The following CDH17 variants were observed in gnomAD, a reference collection of about 807,000 sequenced individuals.
The protein encoded by CDH17 is cadherin 17.
Under a neutral mutation model 86.3 loss-of-function variants are expected in CDH17, and 67 were observed. The ratio of observed to expected loss-of-function variants is 0.78; its 90% CI spans 0.64 to 0.95. The LOEUF (loss-of-function observed/expected upper bound fraction) is 0.95, where lower values mean the gene tolerates loss of function less well. Among genes scored for constraint, CDH17 ranks in the 40% least tolerant of loss-of-function variants. CDH17 has a pLI of 0.00. For synonymous variants in CDH17, 367 were observed against 366.4 expected, an observed-to-expected ratio of 1.00 and a Z score of -0.02; for missense variants, 993 against 1,017.6, an observed-to-expected ratio of 0.98 and a Z score of 0.33.
intron 2 of CDH17, among the ~76,000 whole-genome samples, chr8:94,191,419 G>A (rs1261798849): frequency 6.7e-6 from 1 of 148,450 alleles, no homozygotes. Flanking sequence ...AGTCAAATAA[G>A]TCAAATTTCC....
At chr8:94,154,555 G>T in intron 12 of CDH17, among the ~76,000 whole-genome samples, 1 of 152,150 alleles carries the variant, frequency 6.6e-6, no homozygotes. Flanking sequence ...ATGGAACCAG[G>T]AATGAACATC....
At chr8:94,152,572 A>G (rs1262589688) in intron 12 of CDH17, among the ~76,000 whole-genome samples, 1 of 152,108 alleles carries the variant, frequency 6.6e-6, no homozygotes, top group African/African-American at 2.4e-5. Flanking sequence ...TAATTTTTGT[A>G]TTTTTAATAG....
At chr8:94,165,123 T>C (rs972578048) in intron 10 of CDH17, among the ~76,000 whole-genome samples, 9 of 152,292 alleles carry the variant, frequency 5.9e-5, no homozygotes, top group African/African-American at 2.2e-4. Context: ...GTGATTATGT[T>C]CTGCAGAATG....
chr8:94,150,374 G>A (rs1812834768), intron 13 of CDH17, among the ~76,000 whole-genome samples: 1 of 152,214 alleles, frequency 6.6e-6, no homozygotes, highest in Non-Finnish European at 1.5e-5. Context: ...GCAGGGAGAA[G>A]CAGGTGGATT....
intron 9 of CDH17, among the ~76,000 whole-genome samples, chr8:94,168,127 T>TAC (rs1813196667): frequency 2.1e-5 from 2 of 95,030 alleles, no homozygotes; most frequent in African/African-American, 9.0e-5. Context: ...TATATATATA[T>TAC]ATATATATAT....
rs563653880 is a variant in CDH17, at chr8:94,159,838, G to A, written c.1551+133C>T. 4.3e-5 allele frequency: 25 copies of A among 575,084 alleles called. No homozygotes were observed. The African/African-American group carries it at 4.4e-4, about 10-fold the overall frequency. The allele number at this position is 575,084 out of a possible 1,614,324, so 35.6% of individuals were successfully genotyped here. A position where few individuals can be genotyped will look rare whatever the true frequency, so the allele number is the denominator to read the frequency against. On this transcript the variant is annotated intron_variant, in intron 12 of 17. Coordinates refer to ENST00000027335, the MANE Select transcript of CDH17 (RefSeq NM_004063.4). ...ACAGGAACGACTAAGAGGAATCCAG[G>A]AATCCAGGAACCCATCACCATGCCT...
In CDH17 at chr8:94,177,680, C is replaced by T; in HGVS notation, c.192G>A (p.Gly64=). The T allele has an allele frequency of 6.2e-7, 1 of 1,613,726 alleles. No individual in the cohort carries two copies. The highest frequency in any genetic ancestry group is 8.5e-7 in the Non-Finnish European group (1 of 1,179,766). Reference sequence around the variant, plus strand: ...CTATCACAAATATGTTGTCTGTCTCCCCAGTTAGTTCAAAAGTCACAGCAG... The same window carrying T: ...CTATCACAAATATGTTGTCTGTCTCTCCAGTTAGTTCAAAAGTCACAGCAG... ...NPPAVTFELT[G]ETDNIFVIER... is the part of the protein sequence containing the mutation. The change falls in exon 4 of 18, where the codon GGG becomes GGA. Residue 64 remains glycine, a synonymous_variant. Coordinates refer to ENST00000027335, the MANE Select transcript of CDH17 (RefSeq NM_004063.4).
At chr8:94,194,732 GT>G in intron 1 of CDH17, 27 bp from the exon 2 acceptor site, 1 of 1,218,270 alleles carries the variant, frequency 8.2e-7, no homozygotes, top group Non-Finnish European at 1.2e-6. Flanking sequence ...TAAAAAAATG[GT>G]TAGTTACCAG....
At chr8:94,137,435 A>G (rs1484628742) in intron 15 of CDH17, among the ~76,000 whole-genome samples, 1 of 152,180 alleles carries the variant, frequency 6.6e-6, no homozygotes, top group Non-Finnish European at 1.5e-5. Flanking sequence ...TGGGCACGGG[A>G]CCTGCCAAGC....
intron 15 of CDH17, among the ~76,000 whole-genome samples, chr8:94,136,924 C>T (rs531696344): frequency 6.6e-6 from 1 of 152,142 alleles, no homozygotes; most frequent in Non-Finnish European, 1.5e-5. Flanking sequence ...CACTCCAGAC[C>T]CTGTTTGCCT....
intron 15 of CDH17, among the ~76,000 whole-genome samples, chr8:94,145,676 C>T (rs946553949): frequency 1.3e-5 from 2 of 152,080 alleles, no homozygotes; most frequent in Non-Finnish European, 2.9e-5. Context: ...GAAAATTTTG[C>T]AAATGATGCT....
At chr8:94,148,215 T>C (rs1478206696) in intron 14 of CDH17, among the ~76,000 whole-genome samples, 1 of 152,158 alleles carries the variant, frequency 6.6e-6, no homozygotes, top group East Asian at 1.9e-4. Flanking sequence ...GCAGCAGCCC[T>C]GCTGGGGGCA....
rs535709567 is a variant in CDH17, at chr8:94,128,728, CT to C, written c.2399-389del. ...ATATTGATTCTATTCTTCCCCTTTC[CT>C]AGAGAAAACAATCCAATTAGCACAA... On this transcript the variant is annotated intron_variant, in intron 17 of 17. Coordinates refer to ENST00000027335, the MANE Select transcript of CDH17 (RefSeq NM_004063.4). Among the ~76,000 whole-genome samples the C allele has an allele frequency of 6.6e-5, 10 of 152,226 alleles. No individual in the cohort carries two copies. The East Asian group carries it at 1.9e-3, about 29-fold the overall frequency.
intron 15 of CDH17, among the ~76,000 whole-genome samples, chr8:94,133,285 C>T (rs1011184282): frequency 6.6e-6 from 1 of 152,114 alleles, no homozygotes; most frequent in African/African-American, 2.4e-5. Flanking sequence ...ATTGATTCTT[C>T]CTGTCCACGA....
intron 9 of CDH17, among the ~76,000 whole-genome samples, chr8:94,167,458 G>T (rs986989963): frequency 1.3e-5 from 2 of 152,144 alleles, no homozygotes; most frequent in African/African-American, 4.8e-5. Flanking sequence ...GTTTTGGGTT[G>T]GGGGAGGAAA....
At position 94,170,419 on chromosome 8, in the gene CDH17, C is replaced by T. The variant is rs1452125016; in HGVS notation, c.1044G>A (p.Glu348=). 1.9e-6 allele frequency: 3 copies of T among 1,613,776 alleles called. No homozygotes were observed. The highest frequency in any genetic ancestry group is 1.7e-5 in the Admixed American group (1 of 60,002). The change falls in exon 9 of 18, where the codon GAG becomes GAA. Residue 348 remains glutamate, a synonymous_variant. Coordinates refer to ENST00000027335, the MANE Select transcript of CDH17 (RefSeq NM_004063.4). ...TACCCAGTCGTTCATTCTCCTGGACCTCAAATACGGTTACTGGTGACGGAC... is the reference window on the plus strand; with the variant it reads ...TACCCAGTCGTTCATTCTCCTGGACTTCAAATACGGTTACTGGTGACGGAC... ...PTCPSPVTVF[E]VQENERLGNS...
At chr8:94,209,940 A>C (rs551752090), upstream of CDH17, among the ~76,000 whole-genome samples, 1 of 152,090 alleles carries the variant, frequency 6.6e-6, no homozygotes, top group East Asian at 1.9e-4. Context: ...TTTCAAAAAT[A>C]AAGTGCATAT....
At chr8:94,211,127 T>C (rs1350612332), upstream of CDH17, among the ~76,000 whole-genome samples, 2 of 151,930 alleles carry the variant, frequency 1.3e-5, no homozygotes, top group African/African-American at 2.4e-5. Context: ...CGCTTTTGTC[T>C]ATAATGTTTT....
rs1179799674 is a variant in CDH17, at chr8:94,166,809, T to C, written c.1067-833A>G. Among the ~76,000 whole-genome samples the C allele has an allele frequency of 2.9e-4, 44 of 152,060 alleles. 1 individual carries two copies. Among genetic ancestry groups the C allele is most frequent in the Admixed American group, 2.9e-3 (44 of 15,260 alleles). The stretch of plus-strand genomic sequence containing the variant: ...GGAGGAGGAAGCCAGAAGTTGGAGA[T>C]AGGCTGCCACAAGTAGCCAGGGAAC... On this transcript the variant is annotated intron_variant, in intron 9 of 17. Transcript: ENST00000027335.
Sources: allele counts gnomAD v4.1 joint callset (sites outside exome capture counted in the v4.1 genomes callset), GRCh38; gene constraint gnomAD v4.1.1; transcripts MANE v1.5; gene names NCBI Gene and HGNC (gene_info 2026-07-23, HGNC 2026-07-21).